The following HES7 variants were observed in gnomAD, a reference collection of about 807,000 sequenced individuals.
HES7 encodes the protein transcription factor HES-7.
Under a neutral mutation model 18.0 loss-of-function variants are expected in HES7, and 8 were observed. The observed-to-expected ratio is 0.45, with a 90% CI of 0.26 to 0.80. The LOEUF (loss-of-function observed/expected upper bound fraction) is 0.80, where lower values mean the gene tolerates loss of function less well. HES7 is among the 30% of genes least tolerant of loss of function. The probability of loss-of-function intolerance (pLI) is 0.18; values close to 1 mark genes in which losing one functional copy is unlikely to be tolerated. For synonymous variants in HES7, 170 were observed against 158.6 expected, an observed-to-expected ratio of 1.07 and a Z score of -0.54; for missense variants, 356 against 340.9, an observed-to-expected ratio of 1.04 and a Z score of -0.35.
chr17:8,125,774 G>A (rs779481719), upstream of HES7, among the ~76,000 whole-genome samples: 15 of 152,182 alleles, frequency 9.9e-5, no homozygotes, highest in Admixed American at 3.9e-4. Context: ...TAGAATTCTC[G>A]CCTGCCACGC....
At position 8,124,089 on chromosome 17, in the gene HES7, C is replaced by T; in HGVS notation, c.-5G>A. On this transcript the variant is annotated 5_prime_UTR_variant, in exon 1 of 4. Transcript: ENST00000541682. Reference sequence around the variant, plus strand: ...AGCTCGATCCCGGGTGACCATTGCTCCTCCGGACCCTGTGTGGACCGGTTC... The same window carrying T: ...AGCTCGATCCCGGGTGACCATTGCTTCTCCGGACCCTGTGTGGACCGGTTC... 4 of 1,614,074 alleles carry T rather than the reference C, an allele frequency of 2.5e-6. No homozygotes were observed. The highest frequency in any genetic ancestry group is 1.3e-5 in the African/African-American group (1 of 75,046).
rs1225409421 is a variant in HES7 at position 8,121,952 on chromosome 17, G to T, written c.312C>A (p.Cys104Ter). 6.4e-7 allele frequency: 1 copy of T among 1,557,772 alleles called. No individual in the cohort carries two copies. Among genetic ancestry groups the T allele is most frequent in the Non-Finnish European group, 8.6e-7 (1 of 1,162,356 alleles). The change falls in exon 4 of 4, where the codon TGC becomes TGA. Residue 104 changes from cysteine to a stop codon, truncating the protein, a stop_gained. Transcript: ENST00000541682. LOFTEE classifies it high-confidence loss of function. The part of the protein sequence containing the change: ...ASCYLSGFRE[C>*]LLRLAAFAHD... ...GCGCGAAGGCCGCCAAGCGAAGCAGGCACTCGCGGAAACCGGACAAGTAGC... is the reference window on the plus strand; with the variant it reads ...GCGCGAAGGCCGCCAAGCGAAGCAGTCACTCGCGGAAACCGGACAAGTAGC...
rs1981439072 is a variant in HES7, at chr17:8,123,032, T to C, written c.137A>G (p.Gln46Arg). 1.3e-6 allele frequency: 2 copies of C among 1,595,214 alleles called. No individual in the cohort carries two copies. Among genetic ancestry groups the C allele is most frequent in the Non-Finnish European group, 1.7e-6 (2 of 1,170,704 alleles). ...CCTAGGGCTAGCGGAGGGACTGACC[T>C]GGTCCCGGGTCCGCTCCAGCAGCAG... ...RLLLLERTRDQNLRNPKLEKA... is the reference protein window; with the variant it reads ...RLLLLERTRDRNLRNPKLEKA... Residue 46 changes from glutamine (Q) to arginine (R), a missense_variant and splice_region_variant, in exon 2 of 4, where the codon CAG (glutamine) becomes CGG (arginine). By Grantham distance (43) the Gln-to-Arg change is conservative. Coordinates refer to ENST00000541682, the MANE Select transcript of HES7 (RefSeq NM_001165967.2). The surrounding 1 kb of genome is among the most constrained non-coding windows in gnomAD (Gnocchi z 5.9).
chr17:8,124,275 G>C (rs3027279), upstream of HES7, among the ~76,000 whole-genome samples: 5 of 152,070 alleles, frequency 3.3e-5, no homozygotes, highest in South Asian at 8.3e-4. Flanking sequence ...AAACTGGCCT[G>C]GGAGTGCGGG....
In HES7 at chr17:8,123,148, G is replaced by C; in HGVS notation, c.43-22C>G. On this transcript the variant is annotated intron_variant, in intron 1 of 3. Coordinates refer to ENST00000541682, the MANE Select transcript of HES7 (RefSeq NM_001165967.2). This position sits in a 1 kb window ranked among gnomAD's most constrained non-coding sequence, Gnocchi z 5.9. ...GCATCTGCGACCAGCGAGAAAAGGA[G>C]AGCGGGCCGACCAGACCGAGACTCA... is the stretch of plus-strand genomic sequence containing the variant. The C allele has an allele frequency of 6.3e-7, 1 of 1,579,932 alleles. No homozygotes were observed.
chr17:8,126,151 C>T (rs976455494), upstream of HES7, among the ~76,000 whole-genome samples: 1 of 152,152 alleles, frequency 6.6e-6, no homozygotes, highest in African/African-American at 2.4e-5. Context: ...CTTGTTCTTT[C>T]CACCTCTCTT....
upstream of HES7, among the ~76,000 whole-genome samples, chr17:8,125,600 C>T (rs921350528): frequency 2.6e-5 from 4 of 152,310 alleles, no homozygotes; most frequent in South Asian, 8.3e-4. Context: ...GCCCGGTGGC[C>T]GGATCCGGAC....
chr17:8,125,472 C>G (rs1981557802), upstream of HES7, among the ~76,000 whole-genome samples: 1 of 152,224 alleles, frequency 6.6e-6, no homozygotes, highest in Non-Finnish European at 1.5e-5. Context: ...CCCGCCGCCC[C>G]CCTCCTTGGG....
chr17:8,121,248 G>A lies in HES7; in HGVS notation c.*323C>T. On this transcript the variant is annotated 3_prime_UTR_variant, in exon 4 of 4. Coordinates refer to ENST00000541682, the MANE Select transcript of HES7 (RefSeq NM_001165967.2). ...GACGTCGAGATAAAGGCAGGCCCCT[G>A]GCTCGGGGACACACGGGGATTTAAT... 4.2e-6 allele frequency: 1 copy of A among 237,298 alleles called. No individual in the cohort carries two copies. The highest frequency in any genetic ancestry group is 8.1e-6 in the Non-Finnish European group (1 of 123,970). The allele number at this position is 237,298 out of a possible 1,614,324, so 14.7% of individuals were successfully genotyped here.
At position 8,123,147 on chromosome 17, in the gene HES7, A is replaced by G; in HGVS notation, c.43-21T>C. On this transcript the variant is annotated intron_variant, in intron 1 of 3. Transcript: ENST00000541682. The surrounding 1 kb of genome is among the most constrained non-coding windows in gnomAD (Gnocchi z 5.9). The stretch of plus-strand genomic sequence containing the variant: ...AGCATCTGCGACCAGCGAGAAAAGG[A>G]GAGCGGGCCGACCAGACCGAGACTC... The G allele has an allele frequency of 6.3e-7, 1 of 1,583,828 alleles. No individual in the cohort carries two copies. The highest frequency in any genetic ancestry group is 8.6e-7 in the Non-Finnish European group (1 of 1,164,132).
rs1158803920 is a variant in HES7, at chr17:8,121,218, G to A, written c.*353C>T. 5.1e-6 allele frequency: 1 copy of A among 196,226 alleles called. No individual in the cohort carries two copies. Among genetic ancestry groups the A allele is most frequent in the African/African-American group, 2.3e-5 (1 of 43,106 alleles). 12.2% of individuals were successfully genotyped at this position (196,226 alleles called of 1,614,324 possible). A position where few individuals can be genotyped will look rare whatever the true frequency, so the allele number is the denominator to read the frequency against. ...GGAGACAGAAGGGAAGGGAAAGTGG[G>A]CGTGGACGTCGAGATAAAGGCAGGC... On this transcript the variant is annotated 3_prime_UTR_variant, in exon 4 of 4. Coordinates refer to ENST00000541682, the MANE Select transcript of HES7 (RefSeq NM_001165967.2).
chr17:8,122,433 A>G lies in HES7; in HGVS notation c.139-3T>C. 6.4e-7 allele frequency: 1 copy of G among 1,573,260 alleles called. No homozygotes were observed. The highest frequency in any genetic ancestry group is 8.6e-7 in the Non-Finnish European group (1 of 1,158,596). ...TCCAGCTTCGGGTTCCGGAGGTTCT[A>G]CAGACGGGAGGGGAGGGCGCAGAGA... On this transcript the variant is annotated splice_polypyrimidine_tract_variant and splice_region_variant and intron_variant, in intron 2 of 3. Coordinates refer to ENST00000541682, the MANE Select transcript of HES7 (RefSeq NM_001165967.2). The surrounding 1 kb of genome is among the most constrained non-coding windows in gnomAD (Gnocchi z 6.9).
In HES7 at chr17:8,121,549, C is replaced by A. The variant is rs1416379519; in HGVS notation, c.*22G>T. 1.5e-6 allele frequency: 2 copies of A among 1,298,170 alleles called. No individual in the cohort carries two copies. Among genetic ancestry groups the A allele is most frequent in the South Asian group, 5.2e-5 (2 of 38,670 alleles). 80.4% of individuals were successfully genotyped at this position (1,298,170 alleles called of 1,614,324 possible). ...GAGTCTCTACCCCACCCCTAGACCC[C>A]GCCCCCACCACCCCCCAAGGCTCAG... On this transcript the variant is annotated 3_prime_UTR_variant, in exon 4 of 4. Transcript: ENST00000541682.
Position 8,121,766 on chromosome 17 carries a change from G to C in HES7, c.498C>G (p.Arg166=). 1 of 1,512,782 alleles carries C rather than the reference G, an allele frequency of 6.6e-7. No individual in the cohort carries two copies. The highest frequency in any genetic ancestry group is 8.7e-7 in the Non-Finnish European group (1 of 1,143,356). The allele number at this position is 1,512,782 out of a possible 1,614,324, so 93.7% of individuals were successfully genotyped here. A position where few individuals can be genotyped will look rare whatever the true frequency, so the allele number is the denominator to read the frequency against. ...APALGPALHQ[R]PPVHQGHPSP... The stretch of plus-strand genomic sequence containing the variant: ...TAGGGTGGCCCTGGTGCACTGGGGG[G>C]CGCTGGTGCAGCGCAGGGCCAAGGG... The change falls in exon 4 of 4, where the codon CGC becomes CGG. Residue 166 remains arginine (R), a synonymous_variant. Transcript: ENST00000541682.
Position 8,121,299 on chromosome 17 carries a change from A to T in HES7, c.*272T>A, listed in dbSNP as rs1981304059. On this transcript the variant is annotated 3_prime_UTR_variant, in exon 4 of 4. Transcript: ENST00000541682. ...AACCACTTTATTCCATGCACTAGGG[A>T]CTCGGGAAGGGACTGGGACTGGGCT... 2 of 349,602 alleles carry T rather than the reference A, an allele frequency of 5.7e-6. No individual in the cohort carries two copies. Among genetic ancestry groups the T allele is most frequent in the Non-Finnish European group, 1.0e-5 (2 of 195,806 alleles). 21.7% of individuals were successfully genotyped at this position (349,602 alleles called of 1,614,324 possible).
At position 8,122,495 on chromosome 17, in the gene HES7, G is replaced by T; in HGVS notation, c.139-65C>A. On this transcript the variant is annotated intron_variant, in intron 2 of 3. Transcript: ENST00000541682. The surrounding 1 kb of genome is among the most constrained non-coding windows in gnomAD (Gnocchi z 6.9). Reference sequence around the variant, plus strand: ...GGGGAGAAAGGGGGAAAGTGGCAGGGGGAAGAAGGGAGGGACGGATGCGGG... The same window carrying T: ...GGGGAGAAAGGGGGAAAGTGGCAGGTGGAAGAAGGGAGGGACGGATGCGGG... 1 of 1,135,242 alleles carries T rather than the reference G, an allele frequency of 8.8e-7. No homozygotes were observed. The highest frequency in any genetic ancestry group is 1.3e-5 in the South Asian group (1 of 74,806). 70.3% of individuals were successfully genotyped at this position (1,135,242 alleles called of 1,614,324 possible).
upstream of HES7, among the ~76,000 whole-genome samples, chr17:8,125,979 A>G (rs186197119): frequency 4.5e-3 from 679 of 151,656 alleles, 5 homozygotes; most frequent in Middle Eastern, 0.014. Context: ...ACGCCCTCGC[A>G]CTCCCCTCCT....
upstream of HES7, among the ~76,000 whole-genome samples, chr17:8,124,767 A>C (rs1981532381): frequency 6.6e-6 from 1 of 152,186 alleles, no homozygotes; most frequent in Non-Finnish European, 1.5e-5. Context: ...ATGTGACACC[A>C]AGTAGCTATT....
At position 8,123,716 on chromosome 17, in the gene HES7, C is replaced by T. The variant is rs1199271716; in HGVS notation, c.42+327G>A. On this transcript the variant is annotated intron_variant, in intron 1 of 3. Transcript: ENST00000541682. This position sits in a 1 kb window ranked among gnomAD's most constrained non-coding sequence, Gnocchi z 5.9. ...GTGGAGCAAGTGCCTATCCTCTTCT[C>T]TTTTCGTTCCCACCCTCCTCCCTTG... Among the ~76,000 whole-genome samples, 2 of 152,184 alleles carry T rather than the reference C, an allele frequency of 1.3e-5. No homozygotes were observed. Among genetic ancestry groups the T allele is most frequent in the Non-Finnish European group, 2.9e-5 (2 of 68,038 alleles).
Sources: allele counts gnomAD v4.1 joint callset (sites outside exome capture counted in the v4.1 genomes callset), GRCh38; gene constraint gnomAD v4.1.1; non-coding constraint Gnocchi (gnomAD v3.1); transcripts MANE v1.5; gene names NCBI Gene and HGNC (gene_info 2026-07-23, HGNC 2026-07-21).